FAM193A: variants seen among roughly 807,000 people sequenced by gnomAD.
FAM193A encodes family with sequence similarity 193 member A.
In FAM193A, 22 loss-of-function variants were observed where a neutral mutation model predicts 126.5. That is an observed-to-expected ratio of 0.17 (90% confidence interval 0.12 to 0.25). The LOEUF is 0.25. FAM193A is among the 10% of genes least tolerant of loss of function. FAM193A has a pLI of 1.00. For missense variants in FAM193A, 1,675 were observed against 1,672.8 expected (o/e 1.00, Z -0.02); for synonymous variants, 761 against 646.8 (o/e 1.18, Z -2.68).
intron 5 of FAM193A, among the ~76,000 whole-genome samples, chr4:2,635,097 T>C (rs1454604419): frequency 6.6e-6 from 1 of 152,210 alleles, no homozygotes; most frequent in Non-Finnish European, 1.5e-5. Flanking sequence ...ACAGTTCCAT[T>C]GTCACATCCA....
At chr4:2,696,649 C>T in intron 18 of FAM193A, 56 bp downstream of exon 18, 3 of 1,354,770 alleles carry the variant, frequency 2.2e-6, no homozygotes, top group East Asian at 2.4e-5. Flanking sequence ...TTTGAAGGTG[C>T]CGTGCCACGC....
intron 15 of FAM193A, among the ~76,000 whole-genome samples, chr4:2,692,829 A>C: frequency 6.9e-6 from 1 of 145,770 alleles, no homozygotes; most frequent in African/African-American, 2.5e-5. Context: ...CATGGTATTC[A>C]GCAAAATGTC....
intron 1 of FAM193A, among the ~76,000 whole-genome samples, chr4:2,565,428 T>G (rs1328470747): frequency 1.3e-5 from 2 of 151,964 alleles, no homozygotes; most frequent in Non-Finnish European, 2.9e-5. Context: ...CGGCTAATTT[T>G]TGTATTTTTA....
At chr4:2,688,355 A>C (rs1715980925) in intron 13 of FAM193A, among the ~76,000 whole-genome samples, 2 of 152,116 alleles carry the variant, frequency 1.3e-5, no homozygotes. Flanking sequence ...GGTTCCTGGG[A>C]GGTGACAGCA....
At chr4:2,558,620 A>G (rs571463050) in intron 1 of FAM193A, among the ~76,000 whole-genome samples, 11 of 152,260 alleles carry the variant, frequency 7.2e-5, no homozygotes, top group South Asian at 4.1e-4. Context: ...GCCTCAAGCA[A>G]TCCTCCTGCC....
intron 1 of FAM193A, among the ~76,000 whole-genome samples, chr4:2,594,143 C>A (rs1451158857): frequency 6.6e-6 from 1 of 152,112 alleles, no homozygotes; most frequent in South Asian, 2.1e-4. Flanking sequence ...ATATGAACAT[C>A]TTTTGAGTCT....
At chr4:2,590,995 C>T (rs1056840632) in intron 1 of FAM193A, among the ~76,000 whole-genome samples, 1 of 151,446 alleles carries the variant, frequency 6.6e-6, no homozygotes, top group Non-Finnish European at 1.5e-5. Flanking sequence ...CCACTACACC[C>T]CAGCCTGGGT....
At chr4:2,633,702 G>A (rs1231065804) in intron 5 of FAM193A, among the ~76,000 whole-genome samples, 1 of 151,810 alleles carries the variant, frequency 6.6e-6, no homozygotes, top group Non-Finnish European at 1.5e-5. Flanking sequence ...GACCAGCCTG[G>A]CCAACGTGAT....
At chr4:2,540,813 T>C (rs1482755504) in intron 1 of FAM193A, among the ~76,000 whole-genome samples, 3 of 149,844 alleles carry the variant, frequency 2.0e-5, no homozygotes, top group Non-Finnish European at 4.4e-5. Context: ...ATACAAAGAA[T>C]AGCCGGGAAT....
chr4:2,599,068 G>A (rs1012006844), intron 2 of FAM193A, among the ~76,000 whole-genome samples: 76 of 152,202 alleles, frequency 5.0e-4, no homozygotes, highest in South Asian at 6.2e-4. Flanking sequence ...AGAAAGGCAT[G>A]TTTCCTTCCT....
chr4:2,707,950 A>G (rs905981806), intron 19 of FAM193A, among the ~76,000 whole-genome samples: 1 of 152,070 alleles, frequency 6.6e-6, no homozygotes, highest in East Asian at 1.9e-4. Context: ...AGGTTTTACT[A>G]TGTTGGCCAG....
intron 2 of FAM193A, among the ~76,000 whole-genome samples, chr4:2,610,389 C>T (rs1019870367): frequency 2.6e-5 from 4 of 152,182 alleles, no homozygotes; most frequent in African/African-American, 9.6e-5. Context: ...TGAATGCTTG[C>T]CCTGTTGGGT....
Position 2,732,283 on chromosome 4 carries a change from C to T in FAM193A, c.*415C>T, listed in dbSNP as rs1302262558. The T allele has an allele frequency of 3.8e-5, 8 of 208,772 alleles. No individual in the cohort carries two copies. Among genetic ancestry groups the T allele is most frequent in the South Asian group, 7.7e-5 (1 of 12,950 alleles). 12.9% of individuals were successfully genotyped at this position (208,772 alleles called of 1,614,324 possible). ...CTGTGCCCCTGCGTCTCACCCTAGG[C>T]GGGCTGGGCGGGGCAGGCCTCCTTT... On this transcript the variant is annotated 3_prime_UTR_variant, in exon 21 of 21. Coordinates refer to ENST00000637812, the MANE Select transcript of FAM193A (RefSeq NM_001366318.2).
At chr4:2,675,283 T>G (rs1212010535) in intron 13 of FAM193A, among the ~76,000 whole-genome samples, 1 of 152,226 alleles carries the variant, frequency 6.6e-6, no homozygotes, top group Non-Finnish European at 1.5e-5. Context: ...TCTTGAGTTC[T>G]GTCAGTCAGC....
Position 2,607,749 on chromosome 4 carries a change from G to A in FAM193A, c.501+11420G>A. The A allele has an allele frequency of 1.5e-5, 7 of 459,458 alleles. No individual in the cohort carries two copies. In the South Asian group the frequency reaches 1.9e-4, roughly 13 times the overall value. The allele number at this position is 459,458 out of a possible 1,614,324, so 28.5% of individuals were successfully genotyped here. ...CTCGCTGCGGCTCTAGGCTATGCTG[G>A]ACCATCTGAATGGGGTCCTCGGACC... On this transcript the variant is annotated intron_variant, in intron 2 of 20. Transcript: ENST00000637812.
rs1373660436 is a variant in FAM193A, at chr4:2,631,070, G to T, written c.939G>T (p.Gln313His). Residue 313 changes from glutamine (Q) to histidine (H), a missense_variant, in exon 5 of 21, where the codon CAG becomes CAT. Gln to His is a conservative substitution (Grantham distance 24). Transcript: ENST00000637812. The part of the protein sequence containing the change: ...AAKVKAPSGL[Q>H]GPPQAHQFIS... ...AGGTGAAGGCACCATCTGGCCTGCA[G>T]GGCCCGCCGCAAGCGCACCAGTTCA... The T allele has an allele frequency of 6.2e-7, 1 of 1,613,450 alleles. No homozygotes were observed. Among genetic ancestry groups the T allele is most frequent in the African/African-American group, 1.3e-5 (1 of 74,958 alleles).
intron 20 of FAM193A, among the ~76,000 whole-genome samples, chr4:2,719,469 A>T (rs757548900): frequency 2.0e-5 from 3 of 152,178 alleles, no homozygotes; most frequent in Non-Finnish European, 4.4e-5. Context: ...TTATTGGCCA[A>T]GCGTGGTGGC....
At chr4:2,588,395 G>A (rs918709010) in intron 1 of FAM193A, among the ~76,000 whole-genome samples, 3 of 152,212 alleles carry the variant, frequency 2.0e-5, no homozygotes, top group African/African-American at 7.2e-5. Context: ...ATTATGGGAA[G>A]GAGAGGATTC....
chr4:2,658,462 G>A (rs1045525143), intron 8 of FAM193A, among the ~76,000 whole-genome samples: 1 of 152,132 alleles, frequency 6.6e-6, no homozygotes, highest in South Asian at 2.1e-4. Context: ...CCTGTATCTG[G>A]TCTGGGGGCC....
Sources: gnomAD v4.1 joint callset for allele counts (sites outside exome capture counted in the v4.1 genomes callset) on GRCh38, gnomAD v4.1.1 for gene constraint, MANE v1.5 for transcripts, NCBI Gene and HGNC (gene_info 2026-07-23, HGNC 2026-07-21) for gene names.